The following SEMA6D variants were observed in gnomAD, a reference collection of about 807,000 sequenced individuals.
The protein encoded by SEMA6D is semaphorin-6D.
SEMA6D carries 35 observed loss-of-function variants against 106.6 expected under a neutral mutation model. The observed-to-expected ratio is 0.33, with a 90% CI of 0.25 to 0.44. SEMA6D has a LOEUF of 0.44. Among genes scored for constraint, SEMA6D ranks in the 20% least tolerant of loss-of-function variants. SEMA6D has a pLI of 1.00. For missense variants in SEMA6D, 1,185 were observed against 1,345.9 expected, an observed-to-expected ratio of 0.88 and a Z score of 1.87; for synonymous variants, 499 against 487.7, an observed-to-expected ratio of 1.02 and a Z score of -0.31.
At chr15:47,367,676 A>ACGCGCGCG (rs1466497199) in intron 1 of SEMA6D, among the ~76,000 whole-genome samples, 3 of 82,778 alleles carry the variant, frequency 3.6e-5, no homozygotes, top group Admixed American at 2.8e-4. Context: ...ACGCACGCTC[A>ACGCGCGCG]CACGCGCGCG....
rs571364176 is a variant in SEMA6D at position 47,763,185 on chromosome 15, C to T, written c.747+81C>T. ...ACTGTGATAGAGTTAAGGATGCTCA[C>T]TTGGCATGTTTTCCAGCTCTCAATT... On this transcript the variant is annotated intron_variant, in intron 9 of 18. Coordinates refer to ENST00000536845, the MANE Select transcript of SEMA6D (RefSeq NM_001358351.3). The T allele has an allele frequency of 5.6e-6, 6 of 1,080,384 alleles. No individual in the cohort carries two copies. The East Asian group carries it at 1.0e-4, about 19-fold the overall frequency. The allele number at this position is 1,080,384 out of a possible 1,614,324, so 66.9% of individuals were successfully genotyped here.
At position 47,648,293 on chromosome 15, in the gene SEMA6D, C is replaced by T. The variant is rs558963790; in HGVS notation, c.-55+47397C>T. On this transcript the variant is annotated intron_variant, in intron 4 of 19. Coordinates refer to the SEMA6D transcript ENST00000558014. ...CTGGTGCTCCGATTTCCTCTCACAT[C>T]CTAAAGATGTGCATGTTAGGTGAAA... is the stretch of plus-strand genomic sequence containing the variant. Among the ~76,000 whole-genome samples the T allele has an allele frequency of 2.6e-5, 4 of 152,230 alleles. No homozygotes were observed. In the South Asian group the frequency reaches 8.3e-4, roughly 32 times the overall value.
chr15:47,409,964 A>G (rs2040731576), intron 1 of SEMA6D, among the ~76,000 whole-genome samples: 1 of 152,056 alleles, frequency 6.6e-6, no homozygotes, highest in Non-Finnish European at 1.5e-5. Flanking sequence ...TTTATTTCTG[A>G]AAGTCGGTGT....
intron 4 of SEMA6D, among the ~76,000 whole-genome samples, chr15:47,692,588 TA>T (rs1359115114): frequency 6.6e-6 from 1 of 152,158 alleles, no homozygotes; most frequent in African/African-American, 2.4e-5. Context: ...AAAAACATAT[TA>T]TACCTGATTC....
At chr15:47,707,407 T>G (rs769796400) in intron 4 of SEMA6D, among the ~76,000 whole-genome samples, 7 of 152,250 alleles carry the variant, frequency 4.6e-5, no homozygotes, top group Admixed American at 1.3e-4. Context: ...CATTAAAAGT[T>G]TTAAAAGTAT....
chr15:47,727,099 A>T (rs1169951172), intron 1 of SEMA6D, among the ~76,000 whole-genome samples: 1 of 152,192 alleles, frequency 6.6e-6, no homozygotes, highest in African/African-American at 2.4e-5. Context: ...CTGTTGAAGG[A>T]CTAAACATGG....
intron 1 of SEMA6D, among the ~76,000 whole-genome samples, chr15:47,354,683 C>T (rs916745274): frequency 6.6e-6 from 1 of 151,816 alleles, no homozygotes; most frequent in African/African-American, 2.4e-5. Context: ...TAGTGTGCAT[C>T]AGCTGAATGG....
intron 1 of SEMA6D, among the ~76,000 whole-genome samples, chr15:47,299,488 C>G (rs112046684): frequency 1.2e-3 from 184 of 152,312 alleles, no homozygotes; most frequent in African/African-American, 4.3e-3. Context: ...GAAAGTAAAG[C>G]TGATCTGCTC....
At chr15:47,209,621 C>A (rs891003455) in intron 1 of SEMA6D, among the ~76,000 whole-genome samples, 2 of 152,144 alleles carry the variant, frequency 1.3e-5, no homozygotes, top group African/African-American at 4.8e-5. Flanking sequence ...TGTAAATTTT[C>A]TGAATATTTC....
intron 1 of SEMA6D, among the ~76,000 whole-genome samples, chr15:47,297,382 T>G (rs139231659): frequency 2.1e-4 from 32 of 152,278 alleles, no homozygotes; most frequent in African/African-American, 7.7e-4. Context: ...ACTCGTCAGT[T>G]TGTCTAGCCT....
At chr15:47,402,915 G>C (rs2040444071) in intron 1 of SEMA6D, among the ~76,000 whole-genome samples, 1 of 152,150 alleles carries the variant, frequency 6.6e-6, no homozygotes, top group African/African-American at 2.4e-5. Context: ...CTCCATCATA[G>C]AGTAATGGAT....
intron 4 of SEMA6D, among the ~76,000 whole-genome samples, chr15:47,669,286 C>G (rs2078094214): frequency 6.6e-6 from 1 of 152,210 alleles, no homozygotes. Flanking sequence ...ACATCTTTAT[C>G]TCAGCACTTA....
At chr15:47,313,041 C>T (rs1048210603) in intron 1 of SEMA6D, among the ~76,000 whole-genome samples, 4 of 152,034 alleles carry the variant, frequency 2.6e-5, no homozygotes, top group African/African-American at 9.7e-5. Flanking sequence ...TACCCCCAGC[C>T]CCACACATGC....
At chr15:47,504,021 G>T (rs1478745016) in intron 3 of SEMA6D, among the ~76,000 whole-genome samples, 1 of 152,142 alleles carries the variant, frequency 6.6e-6, no homozygotes, top group Non-Finnish European at 1.5e-5. Flanking sequence ...GAACCCCGAG[G>T]CTCAGTTTCC....
intron 1 of SEMA6D, among the ~76,000 whole-genome samples, chr15:47,411,144 G>A (rs376194): frequency 0.63 from 94,498 of 150,990 alleles, 29,994 homozygotes; most frequent in Middle Eastern, 0.69. Flanking sequence ...TGCCCAGGCT[G>A]GAGTGCAGTG....
At chr15:47,386,724 G>T (rs941544935) in intron 1 of SEMA6D, among the ~76,000 whole-genome samples, 1 of 152,196 alleles carries the variant, frequency 6.6e-6, no homozygotes, top group Non-Finnish European at 1.5e-5. Flanking sequence ...GAGGGCAATA[G>T]CTGGAGGCCT....
chr15:47,765,963 A>G lies in SEMA6D; in HGVS notation c.1522A>G (p.Ile508Val), dbSNP rs759173440. The G allele has an allele frequency of 4.4e-6, 7 of 1,593,056 alleles. No individual in the cohort carries two copies. In the East Asian group the frequency reaches 1.3e-4, roughly 31 times the overall value. The change falls in exon 14 of 19, where the codon ATC becomes GTC. Residue 508 changes from isoleucine (I) to valine (V), a missense_variant. Coordinates refer to ENST00000536845, the MANE Select transcript of SEMA6D (RefSeq NM_001358351.3). ...ALYVAFSSCI[I>V]RIPLSRCERY... Reference sequence around the variant, plus strand: ...ATATGTGGCGTTCTCTAGCTGCATTATCCGCATCCCCCTCAGTCGCTGTGA... The same window carrying G: ...ATATGTGGCGTTCTCTAGCTGCATTGTCCGCATCCCCCTCAGTCGCTGTGA...
rs142943980 is a variant in SEMA6D, at chr15:47,770,797, G to A, written c.2234G>A (p.Arg745Gln). The A allele has an allele frequency of 6.8e-5, 110 of 1,613,844 alleles. No individual in the cohort carries two copies. The highest frequency in any genetic ancestry group is 3.6e-4 in the South Asian group (33 of 91,046). ...PKLYSNLLTS[R>Q]KELPPNGDTK... is the part of the protein sequence containing the mutation. The stretch of plus-strand genomic sequence containing the variant: ...CTGTATAGTAACCTGCTAACCAGTC[G>A]GAAAGAGCTACCACCCAATGGAGAT... The change falls in exon 19 of 19, where the codon CGG becomes CAG. Residue 745 changes from arginine to glutamine, a missense_variant. By Grantham distance (43) the Arg-to-Gln change is conservative. Transcript: ENST00000536845.
chr15:47,677,967 T>C (rs1029396662), intron 4 of SEMA6D, among the ~76,000 whole-genome samples: 2 of 151,986 alleles, frequency 1.3e-5, no homozygotes, highest in African/African-American at 2.4e-5. Context: ...AAAACCTCAA[T>C]AGAAAAAAAG....
Sources: gnomAD v4.1 joint callset for allele counts (sites outside exome capture counted in the v4.1 genomes callset) on GRCh38, gnomAD v4.1.1 for gene constraint, MANE v1.5 for transcripts, NCBI Gene and HGNC (gene_info 2026-07-23, HGNC 2026-07-21) for gene names.